The following TAFA2 variants were observed in gnomAD, a reference collection of about 807,000 sequenced individuals.
TAFA2 encodes the protein TAFA chemokine like family member 2.
TAFA2 carries 7 observed loss-of-function variants against 18.8 expected under a neutral mutation model. The observed-to-expected ratio is 0.37, with a 90% CI of 0.21 to 0.70. The LOEUF (loss-of-function observed/expected upper bound fraction) is 0.70, where lower values mean the gene tolerates loss of function less well. Ranked by LOEUF, TAFA2 falls within the 30% of genes least tolerant of loss-of-function variation. The probability of loss-of-function intolerance (pLI) is 0.53; values close to 1 mark genes in which losing one functional copy is unlikely to be tolerated. For synonymous variants in TAFA2, 60 were observed against 54.2 expected, an observed-to-expected ratio of 1.11 and a Z score of -0.47; for missense variants, 122 against 158.1, an observed-to-expected ratio of 0.77 and a Z score of 1.23.
chr12:61,974,911 A>G (rs1235877345), intron 1 of TAFA2, among the ~76,000 whole-genome samples: 2 of 151,810 alleles, frequency 1.3e-5, no homozygotes, highest in African/African-American at 4.8e-5. Flanking sequence ...TGCCCTGCCA[A>G]TTGACAGTAT....
chr12:62,096,597 A>T (rs917498477), intron 1 of TAFA2, among the ~76,000 whole-genome samples: 22 of 152,206 alleles, frequency 1.4e-4, no homozygotes, highest in African/African-American at 5.3e-4. Context: ...GTATTTCCAG[A>T]ATAAGATAAA....
At chr12:61,755,970 G>A (rs1468778706) in intron 2 of TAFA2, among the ~76,000 whole-genome samples, 1 of 152,016 alleles carries the variant, frequency 6.6e-6, no homozygotes, top group Non-Finnish European at 1.5e-5. Context: ...AATTTTAAAA[G>A]TGTAATTGTT....
intron 1 of TAFA2, among the ~76,000 whole-genome samples, chr12:62,017,811 A>T (rs1179747574): frequency 6.6e-6 from 1 of 152,176 alleles, no homozygotes; most frequent in African/African-American, 2.4e-5. Context: ...TTCACTCAAT[A>T]AAAGAAAACA....
At chr12:62,051,195 A>G (rs1273640766) in intron 1 of TAFA2, among the ~76,000 whole-genome samples, 1 of 152,106 alleles carries the variant, frequency 6.6e-6, no homozygotes, top group African/African-American at 2.4e-5. Flanking sequence ...CCACTCTCCC[A>G]TTCATCCATT....
intron 1 of TAFA2, among the ~76,000 whole-genome samples, chr12:62,179,459 AT>A (rs1351312272): frequency 2.0e-5 from 3 of 152,156 alleles, no homozygotes; most frequent in Non-Finnish European, 4.4e-5. Flanking sequence ...ATGATCAGTA[AT>A]TTTTTTCCAA....
chr12:62,056,194 G>T (rs1323634230), intron 1 of TAFA2, among the ~76,000 whole-genome samples: 1 of 152,010 alleles, frequency 6.6e-6, no homozygotes, highest in Non-Finnish European at 1.5e-5. Context: ...TTATGAGGGG[G>T]GTGGTGAATA....
Position 61,912,917 on chromosome 12 carries a change from T to C in TAFA2, c.-1-45491A>G, listed in dbSNP as rs370256388. 5.3e-5 allele frequency among the ~76,000 whole-genome samples: 8 copies of C among 152,296 alleles called. No homozygotes were observed. The East Asian group carries it at 1.5e-3, about 29-fold the overall frequency. On this transcript the variant is annotated intron_variant, in intron 1 of 4. Transcript: ENST00000416284. ...TTTTCTCAGAAAAGCAGCAGCCCTCTAGGTCTGGGTCATAGAGTTAAAAAT... is the reference window on the plus strand; with the variant it reads ...TTTTCTCAGAAAAGCAGCAGCCCTCCAGGTCTGGGTCATAGAGTTAAAAAT...
At chr12:62,052,805 T>G (rs1012717973) in intron 1 of TAFA2, among the ~76,000 whole-genome samples, 4 of 152,180 alleles carry the variant, frequency 2.6e-5, no homozygotes, top group African/African-American at 9.7e-5. Flanking sequence ...GAAGACTGTA[T>G]CCAAGCACCG....
At chr12:62,138,579 A>G (rs9739442) in intron 1 of TAFA2, among the ~76,000 whole-genome samples, 2,078 of 152,342 alleles carry the variant, frequency 0.014, 53 homozygotes, top group African/African-American at 0.048. Context: ...CTGGCACTCC[A>G]AGTCTTAATT....
intron 1 of TAFA2, among the ~76,000 whole-genome samples, chr12:62,135,263 G>T (rs1296594662): frequency 6.6e-6 from 1 of 152,004 alleles, no homozygotes; most frequent in Non-Finnish European, 1.5e-5. Flanking sequence ...GCAAGAGAGA[G>T]ACTTTTGGAC....
chr12:61,911,578 A>G (rs7980591), intron 1 of TAFA2, among the ~76,000 whole-genome samples: 80,871 of 152,002 alleles, frequency 0.53, 22,428 homozygotes, highest in African/African-American at 0.68. Flanking sequence ...ATCACCCCAA[A>G]TCTTTATAAA....
chr12:61,747,562 G>A (rs920241508), intron 4 of TAFA2, among the ~76,000 whole-genome samples: 14 of 150,884 alleles, frequency 9.3e-5, no homozygotes, highest in African/African-American at 3.4e-4. Context: ...CATGTCCTTT[G>A]TAGGGACATG....
Position 61,709,551 on chromosome 12 carries a change from A to G in TAFA2, c.*855T>C, listed in dbSNP as rs1043482918. ...AAACTGAAGGCTACCCATTAACTTG[A>G]CTGCTCACTGCTGATTTCTGTGAAG... On this transcript the variant is annotated 3_prime_UTR_variant, in exon 5 of 5. Coordinates refer to ENST00000416284, the MANE Select transcript of TAFA2 (RefSeq NM_178539.5). 3.9e-5 allele frequency: 6 copies of G among 152,068 alleles called. No homozygotes were observed. Among genetic ancestry groups the G allele is most frequent in the Non-Finnish European group, 8.8e-5 (6 of 67,972 alleles). 9.4% of individuals were successfully genotyped at this position (152,068 alleles called of 1,614,324 possible). A position where few individuals can be genotyped will look rare whatever the true frequency, so the allele number is the denominator to read the frequency against.
At chr12:62,249,016 AC>A (rs2062899223) in intron 1 of TAFA2, among the ~76,000 whole-genome samples, 2 of 152,140 alleles carry the variant, frequency 1.3e-5, no homozygotes, top group Non-Finnish European at 2.9e-5. Context: ...TGAGCATGAT[AC>A]TTCAGTCGCA....
intron 1 of TAFA2, among the ~76,000 whole-genome samples, chr12:61,915,202 A>T (rs1223030551): frequency 6.6e-6 from 1 of 152,176 alleles, no homozygotes; most frequent in Non-Finnish European, 1.5e-5. Context: ...GATGTGGCGT[A>T]GTCTAGACAT....
At chr12:61,804,482 C>T (rs1871528821) in intron 2 of TAFA2, among the ~76,000 whole-genome samples, 1 of 151,998 alleles carries the variant, frequency 6.6e-6, no homozygotes, top group African/African-American at 2.4e-5. Context: ...CAACTAGCTC[C>T]TACTGACAGA....
chr12:61,762,641 A>ATAT (rs1390956686), intron 2 of TAFA2, among the ~76,000 whole-genome samples: 2 of 150,122 alleles, frequency 1.3e-5, no homozygotes, highest in Non-Finnish European at 3.0e-5. Context: ...TTTTATATAT[A>ATAT]TATATATATA....
intron 1 of TAFA2, among the ~76,000 whole-genome samples, chr12:62,152,540 A>G (rs903684204): frequency 1.3e-5 from 2 of 152,236 alleles, no homozygotes; most frequent in African/African-American, 4.8e-5. Context: ...ATAGACAAGA[A>G]TATTTTAACA....
intron 4 of TAFA2, among the ~76,000 whole-genome samples, chr12:61,728,032 G>GTT (rs71083954): frequency 0.011 from 1,366 of 128,376 alleles, 24 homozygotes; most frequent in African/African-American, 0.025. Flanking sequence ...TTTGAGGGTT[G>GTT]TTTTTTTTTT....
Sources: allele counts gnomAD v4.1 joint callset (sites outside exome capture counted in the v4.1 genomes callset), GRCh38; gene constraint gnomAD v4.1.1; transcripts MANE v1.5; gene names NCBI Gene and HGNC (gene_info 2026-07-23, HGNC 2026-07-21).